OGDH: variants seen among roughly 807,000 people sequenced by gnomAD.
The protein encoded by OGDH is 2-oxoglutarate dehydrogenase complex component E1.
OGDH carries 38 observed loss-of-function variants against 116.6 expected under a neutral mutation model. The observed-to-expected ratio is 0.33, with a 90% CI of 0.25 to 0.43. The LOEUF (loss-of-function observed/expected upper bound fraction) is 0.43. Ranked by LOEUF, OGDH falls within the 20% of genes least tolerant of loss-of-function variation. The pLI is 1.00. For synonymous variants in OGDH, 488 were observed against 533.3 expected, an observed-to-expected ratio of 0.92 and a Z score of 1.17; for missense variants, 825 against 1,357.2, an observed-to-expected ratio of 0.61 and a Z score of 6.16.
intron 10 of OGDH, among the ~76,000 whole-genome samples, chr7:44,688,353 A>G (rs1788221578): frequency 1.3e-5 from 2 of 151,932 alleles, no homozygotes; most frequent in Admixed American, 1.3e-4. Context: ...CCTGGGTGAC[A>G]GAGCAAGACT....
intron 2 of OGDH, among the ~76,000 whole-genome samples, chr7:44,642,430 TAAAAA>T (rs901212882): frequency 6.7e-6 from 1 of 150,304 alleles, no homozygotes; most frequent in Non-Finnish European, 1.5e-5. Context: ...TCTCAAAAAA[TAAAAA>T]AGAAAGAAAA....
In OGDH at chr7:44,675,118, T is replaced by G. The variant is rs1375404434; in HGVS notation, c.936-60T>G. On this transcript the variant is annotated intron_variant, in intron 7 of 22. Transcript: ENST00000222673. ...GGAGGGGGGGATTGTAACACCCTCA[T>G]CTGCCATCTGGAAACCATGACCTCA... is the stretch of plus-strand genomic sequence containing the variant. The G allele has an allele frequency of 5.9e-6, 8 of 1,359,116 alleles. No individual in the cohort carries two copies. The Admixed American group carries it at 6.8e-5, about 11-fold the overall frequency. The allele number at this position is 1,359,116 out of a possible 1,614,324, so 84.2% of individuals were successfully genotyped here. A position where few individuals can be genotyped will look rare whatever the true frequency, so the allele number is the denominator to read the frequency against.
chr7:44,647,894 G>T, intron 4 of OGDH, 135 bp downstream of exon 4: 1 of 636,700 alleles, frequency 1.6e-6, no homozygotes, highest in Non-Finnish European at 2.7e-6. Flanking sequence ...AAATTTATCG[G>T]TATTGTAGCC....
intron 19 of OGDH, among the ~76,000 whole-genome samples, chr7:44,701,048 G>A (rs1788807652): frequency 3.3e-5 from 5 of 152,174 alleles, no homozygotes; most frequent in South Asian, 4.1e-4. Flanking sequence ...AGGAAGGAGT[G>A]TGGGGGACAG....
At chr7:44,691,672 A>T (rs972702696) in intron 10 of OGDH, among the ~76,000 whole-genome samples, 2 of 152,156 alleles carry the variant, frequency 1.3e-5, no homozygotes, top group East Asian at 1.9e-4. Flanking sequence ...ACAACCACTA[A>T]AAAAGATTAA....
chr7:44,652,718 CA>C (rs1237497718), intron 4 of OGDH, among the ~76,000 whole-genome samples: 1 of 152,060 alleles, frequency 6.6e-6, no homozygotes, highest in Non-Finnish European at 1.5e-5. Context: ...ATTAAATACA[CA>C]TTTCTCTTCA....
At chr7:44,608,860 C>A (rs1217725938) in intron 1 of OGDH, among the ~76,000 whole-genome samples, 3 of 152,114 alleles carry the variant, frequency 2.0e-5, no homozygotes, top group African/African-American at 7.2e-5. Flanking sequence ...AAAATTTATT[C>A]TATGCAGTCA....
intron 4 of OGDH, among the ~76,000 whole-genome samples, chr7:44,664,204 C>T (rs1169147833): frequency 6.6e-6 from 1 of 152,166 alleles, no homozygotes; most frequent in Non-Finnish European, 1.5e-5. Flanking sequence ...AAGGGGAGGG[C>T]ACCACCTTGT....
intron 10 of OGDH, among the ~76,000 whole-genome samples, chr7:44,689,788 A>G (rs1403571073): frequency 6.6e-6 from 1 of 152,094 alleles, no homozygotes; most frequent in Non-Finnish European, 1.5e-5. Flanking sequence ...AGTTCTTTAT[A>G]TATTCTGGAT....
At chr7:44,645,826 A>G (rs1786150327) in intron 3 of OGDH, among the ~76,000 whole-genome samples, 1 of 152,178 alleles carries the variant, frequency 6.6e-6, no homozygotes, top group South Asian at 2.1e-4. Context: ...CCGGGCATCA[A>G]GGAGAAGTGC....
At chr7:44,691,973 C>T (rs1326619481) in intron 10 of OGDH, among the ~76,000 whole-genome samples, 1 of 100,338 alleles carries the variant, frequency 1.0e-5, no homozygotes, top group Non-Finnish European at 1.7e-5. Context: ...CACAATGAGA[C>T]TCTGTCTTAA....
At chr7:44,652,527 G>A (rs181374775) in intron 4 of OGDH, among the ~76,000 whole-genome samples, 1 of 152,082 alleles carries the variant, frequency 6.6e-6, no homozygotes, top group African/African-American at 2.4e-5. Context: ...GGGGAAAGAG[G>A]GTTGAGAGTT....
intron 2 of OGDH, among the ~76,000 whole-genome samples, chr7:44,640,015 G>A (rs1444084265): frequency 6.6e-6 from 1 of 152,210 alleles, no homozygotes; most frequent in African/African-American, 2.4e-5. Flanking sequence ...AGGTCAGAGA[G>A]TGGAGGCCCG....
intron 10 of OGDH, among the ~76,000 whole-genome samples, chr7:44,691,151 A>T (rs1405629108): frequency 6.6e-6 from 1 of 152,186 alleles, no homozygotes; most frequent in Non-Finnish European, 1.5e-5. Flanking sequence ...TGAGTCTCTT[A>T]TTTCTTTTAG....
Position 44,624,504 on chromosome 7 carries a change from G to A in OGDH, c.161G>A (p.Ser54Asn). The A allele has an allele frequency of 1.2e-6, 2 of 1,613,946 alleles. No individual in the cohort carries two copies. Among genetic ancestry groups the A allele is most frequent in the East Asian group, 2.2e-5 (1 of 44,880 alleles). The change falls in exon 2 of 23, where the codon AGT becomes AAT. Residue 54 changes from serine to asparagine, a missense_variant. Coordinates refer to ENST00000222673, the MANE Select transcript of OGDH (RefSeq NM_002541.4). Reference protein sequence around the residue: ...VAAEPFLSGTSSNYVEEMYCA... With the variant: ...VAAEPFLSGTNSNYVEEMYCA... ...GCTGAGCCCTTTCTCAGTGGGACTAGTTCGAACTATGTGGAGGAGATGTAC... is the reference window on the plus strand; with the variant it reads ...GCTGAGCCCTTTCTCAGTGGGACTAATTCGAACTATGTGGAGGAGATGTAC...
intron 2 of OGDH, among the ~76,000 whole-genome samples, chr7:44,641,786 C>T (rs781634637): frequency 5.9e-5 from 9 of 152,196 alleles, no homozygotes; most frequent in Non-Finnish European, 1.2e-4. Context: ...AGCTCTCAGT[C>T]CTGCTGGAAA....
intron 1 of OGDH, among the ~76,000 whole-genome samples, chr7:44,613,066 CAG>C (rs571863360): frequency 6.6e-6 from 1 of 151,152 alleles, no homozygotes; most frequent in Non-Finnish European, 1.5e-5. Context: ...TTAGTAGAGA[CAG>C]GGTTTCACCA....
Position 44,694,595 on chromosome 7 carries a change from A to G in OGDH, c.1668+19A>G, listed in dbSNP as rs1292413541. On this transcript the variant is annotated intron_variant, in intron 12 of 22. Coordinates refer to ENST00000222673, the MANE Select transcript of OGDH (RefSeq NM_002541.4). This position sits in a 1 kb window ranked among gnomAD's most constrained non-coding sequence, Gnocchi z 4.2. Reference sequence around the variant, plus strand: ...GTATGAGGTACGTCCCTGCGGCTCTATCCCAGTGCGCCTTTCCAGGGCTGG... The same window carrying G: ...GTATGAGGTACGTCCCTGCGGCTCTGTCCCAGTGCGCCTTTCCAGGGCTGG... 6.2e-7 allele frequency: 1 copy of G among 1,611,708 alleles called. No homozygotes were observed. The highest frequency in any genetic ancestry group is 8.5e-7 in the Non-Finnish European group (1 of 1,178,062).
chr7:44,689,660 A>G (rs1250832026), intron 10 of OGDH, among the ~76,000 whole-genome samples: 6 of 151,994 alleles, frequency 3.9e-5, no homozygotes, highest in African/African-American at 2.4e-5. Context: ...CCTAATGACT[A>G]ATGATGTGTG....
Sources: gnomAD v4.1 joint callset for allele counts (sites outside exome capture counted in the v4.1 genomes callset) on GRCh38, gnomAD v4.1.1 for gene constraint, Gnocchi (gnomAD v3.1) non-coding constraint, MANE v1.5 for transcripts, NCBI Gene and HGNC (gene_info 2026-07-23, HGNC 2026-07-21) for gene names.